The following CDYL2 variants were observed in gnomAD, a reference collection of about 807,000 sequenced individuals.
CDYL2 encodes chromodomain Y-like protein 2.
In CDYL2, 23 loss-of-function variants were observed where a neutral mutation model predicts 49.4. That is an observed-to-expected ratio of 0.47 (90% CI 0.34 to 0.66). CDYL2 has a LOEUF of 0.66. Ranked by LOEUF, CDYL2 falls within the 30% of genes least tolerant of loss-of-function variation. The probability of loss-of-function intolerance (pLI) is 0.01; values close to 1 mark genes in which losing one functional copy is unlikely to be tolerated. For synonymous variants in CDYL2, 360 were observed against 268.8 expected (o/e 1.34, Z -3.32); for missense variants, 678 against 656.4 (o/e 1.03, Z -0.36).
chr16:80,734,405 A>G (rs1197303843), intron 1 of CDYL2, among the ~76,000 whole-genome samples: 3 of 152,188 alleles, frequency 2.0e-5, no homozygotes, highest in Non-Finnish European at 4.4e-5. Flanking sequence ...AGACAGATCC[A>G]TGAGCCATGA....
At chr16:80,803,627 G>A (rs1320252975) in intron 1 of CDYL2, among the ~76,000 whole-genome samples, 1 of 47,000 alleles carries the variant, frequency 2.1e-5, no homozygotes, top group African/African-American at 8.5e-5. Context: ...CCGGGACCCC[G>A]CCTCGCCCCG....
At chr16:80,787,565 C>G (rs1348852024) in intron 1 of CDYL2, among the ~76,000 whole-genome samples, 3 of 152,134 alleles carry the variant, frequency 2.0e-5, no homozygotes, top group Non-Finnish European at 4.4e-5. Context: ...ATGTGAAACA[C>G]CTAGGACAGA....
chr16:80,712,859 G>T (rs957219456), intron 1 of CDYL2, among the ~76,000 whole-genome samples: 7 of 152,170 alleles, frequency 4.6e-5, no homozygotes, highest in African/African-American at 1.7e-4. Context: ...TATATCCCCT[G>T]GGTGTTGCAA....
intron 1 of CDYL2, among the ~76,000 whole-genome samples, chr16:80,738,174 T>A (rs977527977): frequency 6.6e-6 from 1 of 152,198 alleles, no homozygotes; most frequent in Non-Finnish European, 1.5e-5. Flanking sequence ...GCTTCATCCA[T>A]GTCCCTGCAA....
intron 1 of CDYL2, among the ~76,000 whole-genome samples, chr16:80,748,506 TAAAA>T (rs538432449): frequency 6.3e-4 from 12 of 19,108 alleles, no homozygotes; most frequent in Middle Eastern, 0.029. Context: ...AAAACTCCAT[TAAAA>T]AAAAAAAAAA....
At chr16:80,678,404 C>T (rs1228934088) in intron 2 of CDYL2, among the ~76,000 whole-genome samples, 1 of 152,110 alleles carries the variant, frequency 6.6e-6, no homozygotes, top group African/African-American at 2.4e-5. Flanking sequence ...TGAACTCAAA[C>T]AAATTTACAA....
At chr16:80,606,729 GGACCCTGTGGGA>G (rs1906351988) in intron 6 of CDYL2, among the ~76,000 whole-genome samples, 1 of 152,182 alleles carries the variant, frequency 6.6e-6, no homozygotes, top group Non-Finnish European at 1.5e-5. Flanking sequence ...GTTGTGGGAG[GGACCCTGTGGGA>G]GATAATTCAA....
chr16:80,664,822 T>A (rs951713029), intron 2 of CDYL2, among the ~76,000 whole-genome samples: 1 of 152,138 alleles, frequency 6.6e-6, no homozygotes, highest in Non-Finnish European at 1.5e-5. Context: ...TCAGTTTCCA[T>A]ATCCGTGAAA....
intron 3 of CDYL2, among the ~76,000 whole-genome samples, chr16:80,629,995 C>T (rs1435698473): frequency 6.6e-6 from 1 of 152,194 alleles, no homozygotes; most frequent in East Asian, 1.9e-4. Context: ...CTCAGAGCAG[C>T]AAAGTAACTT....
intron 6 of CDYL2, 40 bp from the exon 7 acceptor site, chr16:80,604,586 G>T: frequency 6.2e-7 from 1 of 1,610,778 alleles, no homozygotes; most frequent in Non-Finnish European, 8.5e-7. Context: ...CGGGCACCAG[G>T]GACTCTGCTC....
At chr16:80,781,904 T>A (rs111846959) in intron 1 of CDYL2, among the ~76,000 whole-genome samples, 4,984 of 151,534 alleles carry the variant, frequency 0.033, 120 homozygotes, top group Admixed American at 0.076. Context: ...GTGAAAGCAG[T>A]GCTCAGGGGA....
intron 4 of CDYL2, among the ~76,000 whole-genome samples, chr16:80,618,617 G>GA (rs991460160): frequency 3.3e-5 from 5 of 152,154 alleles, no homozygotes; most frequent in African/African-American, 9.7e-5. Flanking sequence ...TCCCTTCAGT[G>GA]ACCCAGCTAC....
intron 1 of CDYL2, among the ~76,000 whole-genome samples, chr16:80,768,386 A>G (rs527454749): frequency 6.6e-6 from 1 of 152,338 alleles, no homozygotes; most frequent in South Asian, 2.1e-4. Context: ...CATGTGTCTT[A>G]GACTATTCAG....
intron 1 of CDYL2, among the ~76,000 whole-genome samples, chr16:80,703,146 G>C (rs1292060689): frequency 6.6e-6 from 1 of 152,082 alleles, no homozygotes; most frequent in Non-Finnish European, 1.5e-5. Flanking sequence ...ACACACCTGG[G>C]CAAAAAGAGA....
Position 80,678,951 on chromosome 16 carries a change from C to T in CDYL2, c.616+5587G>A, listed in dbSNP as rs371416414. Among the ~76,000 whole-genome samples, 125 of 147,798 alleles carry T rather than the reference C, an allele frequency of 8.5e-4. 2 individuals are homozygous for T. Among genetic ancestry groups the T allele is most frequent in the African/African-American group, 1.9e-3 (76 of 39,018 alleles). On this transcript the variant is annotated intron_variant, in intron 2 of 6. Transcript: ENST00000570137. ...GCAGCCATAAAAAATGATGAGTTCACGTCCTTTGTAGGGACATGGATGAAA... is the reference window on the plus strand; with the variant it reads ...GCAGCCATAAAAAATGATGAGTTCATGTCCTTTGTAGGGACATGGATGAAA...
chr16:80,720,083 C>T (rs1357656169), intron 1 of CDYL2, among the ~76,000 whole-genome samples: 1 of 152,164 alleles, frequency 6.6e-6, no homozygotes, highest in African/African-American at 2.4e-5. Context: ...AATATTTAGG[C>T]AGAAATGGGC....
chr16:80,683,552 G>C (rs577295211), intron 2 of CDYL2, among the ~76,000 whole-genome samples: 1 of 136,440 alleles, frequency 7.3e-6, no homozygotes, highest in East Asian at 2.0e-4. Context: ...TAGAGTAAGA[G>C]GCTGCCAATC....
chr16:80,672,720 C>T lies in CDYL2; in HGVS notation c.616+11818G>A, dbSNP rs117955346. The stretch of plus-strand genomic sequence containing the variant: ...AACTAACTTTGTAAAGCCTCCATTT[C>T]TTTATGTGCAAACCAGGGATAAAAA... On this transcript the variant is annotated intron_variant, in intron 2 of 6. Coordinates refer to ENST00000570137, the MANE Select transcript of CDYL2 (RefSeq NM_152342.4). Among the ~76,000 whole-genome samples the T allele has an allele frequency of 5.3e-3, 812 of 152,310 alleles. 2 individuals are homozygous for T. The highest frequency in any genetic ancestry group is 8.7e-3 in the Non-Finnish European group (592 of 68,026).
intron 1 of CDYL2, among the ~76,000 whole-genome samples, chr16:80,704,060 T>C (rs867797896): frequency 4.6e-5 from 7 of 152,286 alleles, no homozygotes; most frequent in Middle Eastern, 3.4e-3. Flanking sequence ...AAAACTCCAC[T>C]ACCTGAGTAG....
Sources: allele counts gnomAD v4.1 joint callset (sites outside exome capture counted in the v4.1 genomes callset), GRCh38; gene constraint gnomAD v4.1.1; transcripts MANE v1.5; gene names NCBI Gene and HGNC (gene_info 2026-07-23, HGNC 2026-07-21).